HES5: variants seen among roughly 807,000 people sequenced by gnomAD.
HES5 encodes the protein transcription factor HES-5.
Under a neutral mutation model 9.6 loss-of-function variants are expected in HES5, and 12 were observed. The observed-to-expected ratio is 1.25, with a 90% confidence interval of 0.80 to 2.03. The LOEUF is 2.03. Among genes scored for constraint, HES5 ranks in the 30% most tolerant of loss-of-function variants. HES5 has a pLI of 0.00. For synonymous variants in HES5, 131 were observed against 102.4 expected (o/e 1.28, Z -1.69); for missense variants, 255 against 218.6 (o/e 1.17, Z -1.05).
At position 2,529,723 on chromosome 1, in the gene HES5, T is replaced by C; in HGVS notation, c.247A>G (p.Ser83Gly). Residue 83 changes from serine (S) to glycine (G), a missense_variant, in exon 3 of 3, where the codon AGC (serine) becomes GGC (glycine). Transcript: ENST00000378453. This position sits in a 1 kb window ranked among gnomAD's most constrained non-coding sequence, Gnocchi z 4.5. ...KAFVAAAGPK[S>G]LHQDYSEGYS... ...CCTTCGCTGTAGTCCTGGTGCAGGC[T>C]CTTGGGGCCGGCGGCGGCGACGAAG... 1 of 1,251,812 alleles carries C rather than the reference T, an allele frequency of 8.0e-7. No homozygotes were observed. Among genetic ancestry groups the C allele is most frequent in the Non-Finnish European group, 1.0e-6 (1 of 988,128 alleles). The allele number at this position is 1,251,812 out of a possible 1,614,324, so 77.5% of individuals were successfully genotyped here.
chr1:2,529,829 G>T lies in HES5; in HGVS notation c.220+17C>A. ...CGCGGTGGGAACTCGGGGCGCGGGG[G>T]GCCCGGGCGCGCTCACCTTTGCTGT... On this transcript the variant is annotated intron_variant, in intron 2 of 2. Transcript: ENST00000378453. This position sits in a 1 kb window ranked among gnomAD's most constrained non-coding sequence, Gnocchi z 4.5. 7.1e-7 allele frequency: 1 copy of T among 1,411,478 alleles called. No homozygotes were observed. Among genetic ancestry groups the T allele is most frequent in the South Asian group, 1.7e-5 (1 of 60,040 alleles). The allele number at this position is 1,411,478 out of a possible 1,614,324, so 87.4% of individuals were successfully genotyped here.
In HES5 at chr1:2,529,876, T is replaced by C. The variant is rs1473533385; in HGVS notation, c.190A>G (p.Met64Val). 6.3e-7 allele frequency: 1 copy of C among 1,599,334 alleles called. No individual in the cohort carries two copies. Among genetic ancestry groups the C allele is most frequent in the African/African-American group, 1.3e-5 (1 of 74,352 alleles). Residue 64 changes from methionine (M) to valine (V), a missense_variant, in exon 2 of 3, where the codon ATG becomes GTG. By Grantham distance (21) the Met-to-Val change is conservative. Coordinates refer to ENST00000378453, the MANE Select transcript of HES5 (RefSeq NM_001010926.4). This position sits in a 1 kb window ranked among gnomAD's most constrained non-coding sequence, Gnocchi z 4.5. Reference sequence around the variant, plus strand: ...CTGTGCTTCAGGTAGCTGACAGCCATCTCCAGGATGTCGGCCTTCTCCAGC... The same window carrying C: ...CTGTGCTTCAGGTAGCTGACAGCCACCTCCAGGATGTCGGCCTTCTCCAGC... ...SKLEKADILE[M>V]AVSYLKHSKA...
At position 2,529,390 on chromosome 1, in the gene HES5, G is replaced by A. The variant is rs1643974224; in HGVS notation, c.*79C>T. ...GTCCAAGCCCGGGGCGGACGACGGCGGGAAGGCGCTTCCCTACAGGCGAGA... is the reference window on the plus strand; with the variant it reads ...GTCCAAGCCCGGGGCGGACGACGGCAGGAAGGCGCTTCCCTACAGGCGAGA... On this transcript the variant is annotated 3_prime_UTR_variant, in exon 3 of 3. Transcript: ENST00000378453. The surrounding 1 kb of genome is among the most constrained non-coding windows in gnomAD (Gnocchi z 4.5). 8 of 1,023,560 alleles carry A rather than the reference G, an allele frequency of 7.8e-6. No individual in the cohort carries two copies. The highest frequency in any genetic ancestry group is 6.9e-5 in the African/African-American group (4 of 58,152). 63.4% of individuals were successfully genotyped at this position (1,023,560 alleles called of 1,614,324 possible). A position where few individuals can be genotyped will look rare whatever the true frequency, so the allele number is the denominator to read the frequency against.
At chr1:2,530,061 C>A in intron 1 of HES5, 50 bp from the exon 2 acceptor site, 2 of 1,600,650 alleles carry the variant, frequency 1.2e-6, no homozygotes, top group Non-Finnish European at 1.7e-6. Context: ...CAGGGACCCC[C>A]GAGGACCGGA....
Position 2,529,662 on chromosome 1 carries a change from AG to A in HES5, c.307del (p.Leu103Ter). 1 of 1,324,956 alleles carries A rather than the reference AG, an allele frequency of 7.5e-7. No homozygotes were observed. The highest frequency in any genetic ancestry group is 9.8e-7 in the Non-Finnish European group (1 of 1,019,258). 82.1% of individuals were successfully genotyped at this position (1,324,956 alleles called of 1,614,324 possible). The part of the protein sequence containing the change: ...SWCLQEAVQF[L>X]TLHAASDTQM... ...CGTGTCGCTGGCGGCGTGGAGCGTC[AG>A]GAACTGCACGGCCTCCTGCAGGCAC... is the stretch of plus-strand genomic sequence containing the variant. On this transcript the variant is annotated frameshift_variant, in exon 3 of 3. Coordinates refer to ENST00000378453, the MANE Select transcript of HES5 (RefSeq NM_001010926.4). LOFTEE classifies it low-confidence loss of function (END_TRUNC). This position sits in a 1 kb window ranked among gnomAD's most constrained non-coding sequence, Gnocchi z 4.5.
Position 2,529,652 on chromosome 1 carries a change from G to A in HES5, c.318C>T (p.His106=), listed in dbSNP as rs1394235451. The change falls in exon 3 of 3, where the codon CAC becomes CAT. Residue 106 remains histidine (H), a synonymous_variant. Coordinates refer to ENST00000378453, the MANE Select transcript of HES5 (RefSeq NM_001010926.4). This position sits in a 1 kb window ranked among gnomAD's most constrained non-coding sequence, Gnocchi z 4.5. ...LQEAVQFLTL[H]AASDTQMKLL... is the part of the protein sequence containing the mutation. ...GCTTCATCTGCGTGTCGCTGGCGGCGTGGAGCGTCAGGAACTGCACGGCCT... is the reference window on the plus strand; with the variant it reads ...GCTTCATCTGCGTGTCGCTGGCGGCATGGAGCGTCAGGAACTGCACGGCCT... 7.6e-7 allele frequency: 1 copy of A among 1,321,230 alleles called. No homozygotes were observed. The highest frequency in any genetic ancestry group is 2.7e-5 in the Admixed American group (1 of 37,150). 81.8% of individuals were successfully genotyped at this position (1,321,230 alleles called of 1,614,324 possible).
chr1:2,529,798 CCGGGGCGCGGTGGGAACT>C lies in HES5; in HGVS notation c.220+30_220+47del, dbSNP rs929653641. The C allele has an allele frequency of 6.9e-6, 9 of 1,296,062 alleles. No homozygotes were observed. Among genetic ancestry groups the C allele is most frequent in the South Asian group, 5.4e-5 (2 of 37,126 alleles). The allele number at this position is 1,296,062 out of a possible 1,614,324, so 80.3% of individuals were successfully genotyped here. The stretch of plus-strand genomic sequence containing the variant: ...GAGCGGGCGGCGGGGCGCGGGGGAG[CCGGGGCGCGGTGGGAACT>C]CGGGGCGCGGGGGGCCCGGGCGCGC... On this transcript the variant is annotated intron_variant, in intron 2 of 2. Coordinates refer to ENST00000378453, the MANE Select transcript of HES5 (RefSeq NM_001010926.4). The surrounding 1 kb of genome is among the most constrained non-coding windows in gnomAD (Gnocchi z 4.5).
In HES5 at chr1:2,529,295, A is replaced by T; in HGVS notation, c.*174T>A. On this transcript the variant is annotated 3_prime_UTR_variant, in exon 3 of 3. Transcript: ENST00000378453. The surrounding 1 kb of genome is among the most constrained non-coding windows in gnomAD (Gnocchi z 4.5). The stretch of plus-strand genomic sequence containing the variant: ...TCCTAAAACGGCAGGGACTCTGCAC[A>T]CACATTCTCTGAGAATGGGGCTCCT... 2.0e-6 allele frequency: 1 copy of T among 494,592 alleles called. No homozygotes were observed. Among genetic ancestry groups the T allele is most frequent in the Non-Finnish European group, 2.6e-6 (1 of 378,078 alleles). 30.6% of individuals were successfully genotyped at this position (494,592 alleles called of 1,614,324 possible).
At position 2,529,595 on chromosome 1, in the gene HES5, C is replaced by T. The variant is rs1381209560; in HGVS notation, c.375G>A (p.Ala125=). 2.5e-6 allele frequency: 3 copies of T among 1,179,056 alleles called. No individual in the cohort carries two copies. The highest frequency in any genetic ancestry group is 4.4e-5 in the East Asian group (1 of 22,910). 73.0% of individuals were successfully genotyped at this position (1,179,056 alleles called of 1,614,324 possible). A position where few individuals can be genotyped will look rare whatever the true frequency, so the allele number is the denominator to read the frequency against. The stretch of plus-strand genomic sequence containing the variant: ...TGGGCTCCTTGGCGGGCGCGGCGGG[C>T]GCGGCCGGGGGCCGCTGGAAGTGGT... ...LLYHFQRPPA[A]PAAPAKEPKA... is the part of the protein sequence containing the mutation. The change falls in exon 3 of 3, where the codon GCG becomes GCA. Residue 125 remains alanine (A), a synonymous_variant. Coordinates refer to ENST00000378453, the MANE Select transcript of HES5 (RefSeq NM_001010926.4). This position sits in a 1 kb window ranked among gnomAD's most constrained non-coding sequence, Gnocchi z 4.5.
In HES5 at chr1:2,530,232, C is replaced by T. The variant is rs1484526747; in HGVS notation, c.-68G>A. The T allele has an allele frequency of 2.2e-6, 3 of 1,356,574 alleles. No homozygotes were observed. Among genetic ancestry groups the T allele is most frequent in the Middle Eastern group, 2.6e-4 (1 of 3,788 alleles). The allele number at this position is 1,356,574 out of a possible 1,614,324, so 84.0% of individuals were successfully genotyped here. On this transcript the variant is annotated 5_prime_UTR_variant, in exon 1 of 3. Transcript: ENST00000378453. ...GCGAGACGAGGCGAGCGGGCGCGGG[C>T]AAGGCCAAGCGCGTCCCGGGCTGGC...
In HES5 at chr1:2,529,360, G is replaced by A. The variant is rs1455474871; in HGVS notation, c.*109C>T. The A allele has an allele frequency of 1.1e-5, 11 of 965,716 alleles. No individual in the cohort carries two copies. Among genetic ancestry groups the A allele is most frequent in the Non-Finnish European group, 1.4e-5 (11 of 811,020 alleles). 59.8% of individuals were successfully genotyped at this position (965,716 alleles called of 1,614,324 possible). A position where few individuals can be genotyped will look rare whatever the true frequency, so the allele number is the denominator to read the frequency against. ...TTGGGGCCAGAGCCTTCCGGAGAAG[G>A]GCGCGTCCAAGCCCGGGGCGGACGA... On this transcript the variant is annotated 3_prime_UTR_variant, in exon 3 of 3. Transcript: ENST00000378453. This position sits in a 1 kb window ranked among gnomAD's most constrained non-coding sequence, Gnocchi z 4.5.
In HES5 at chr1:2,529,300, T is replaced by G; in HGVS notation, c.*169A>C. 1 of 535,370 alleles carries G rather than the reference T, an allele frequency of 1.9e-6. No individual in the cohort carries two copies. Among genetic ancestry groups the G allele is most frequent in the Non-Finnish European group, 2.4e-6 (1 of 415,640 alleles). The allele number at this position is 535,370 out of a possible 1,614,324, so 33.2% of individuals were successfully genotyped here. A position where few individuals can be genotyped will look rare whatever the true frequency, so the allele number is the denominator to read the frequency against. ...AAACGGCAGGGACTCTGCACACACATTCTCTGAGAATGGGGCTCCTGCGGG... is the reference window on the plus strand; with the variant it reads ...AAACGGCAGGGACTCTGCACACACAGTCTCTGAGAATGGGGCTCCTGCGGG... On this transcript the variant is annotated 3_prime_UTR_variant, in exon 3 of 3. Transcript: ENST00000378453. This position sits in a 1 kb window ranked among gnomAD's most constrained non-coding sequence, Gnocchi z 4.5.
Position 2,529,786 on chromosome 1 carries a change from G to T in HES5, c.221-37C>A. Reference sequence around the variant, plus strand: ...CGCGGCGGCGGTGAGCGGGCGGCGGGGCGCGGGGGAGCCGGGGCGCGGTGG... The same window carrying T: ...CGCGGCGGCGGTGAGCGGGCGGCGGTGCGCGGGGGAGCCGGGGCGCGGTGG... On this transcript the variant is annotated intron_variant, in intron 2 of 2. Transcript: ENST00000378453. The surrounding 1 kb of genome is among the most constrained non-coding windows in gnomAD (Gnocchi z 4.5). The T allele has an allele frequency of 1.6e-6, 2 of 1,264,244 alleles. No individual in the cohort carries two copies. The highest frequency in any genetic ancestry group is 2.0e-6 in the Non-Finnish European group (2 of 999,118). The allele number at this position is 1,264,244 out of a possible 1,614,324, so 78.3% of individuals were successfully genotyped here.
chr1:2,529,763 CGGCGGCGGTGAGCG>C lies in HES5; in HGVS notation c.221-28_221-15del. On this transcript the variant is annotated splice_polypyrimidine_tract_variant and intron_variant, in intron 2 of 2. Coordinates refer to ENST00000378453, the MANE Select transcript of HES5 (RefSeq NM_001010926.4). This position sits in a 1 kb window ranked among gnomAD's most constrained non-coding sequence, Gnocchi z 4.5. The stretch of plus-strand genomic sequence containing the variant: ...CGGCGACGAAGGCTGCGGGGAGACG[CGGCGGCGGTGAGCG>C]GGCGGCGGGGCGCGGGGGAGCCGGG... The C allele has an allele frequency of 8.1e-7, 1 of 1,238,530 alleles. No homozygotes were observed. Among genetic ancestry groups the C allele is most frequent in the Non-Finnish European group, 1.0e-6 (1 of 985,324 alleles). 76.7% of individuals were successfully genotyped at this position (1,238,530 alleles called of 1,614,324 possible).
Position 2,529,005 on chromosome 1 carries a change from GT to G in HES5, c.*463del, listed in dbSNP as rs1643968608. On this transcript the variant is annotated 3_prime_UTR_variant, in exon 3 of 3. Coordinates refer to ENST00000378453, the MANE Select transcript of HES5 (RefSeq NM_001010926.4). This position sits in a 1 kb window ranked among gnomAD's most constrained non-coding sequence, Gnocchi z 4.5. ...TGGACGCCCGTCCGGGGTGATCACT[GT>G]TTCCTATGAGGATACAGCTCGAGTT... The G allele has an allele frequency of 2.6e-5, 4 of 152,624 alleles. 1 individual carries two copies. The highest frequency in any genetic ancestry group is 9.6e-5 in the African/African-American group (4 of 41,564). 9.5% of individuals were successfully genotyped at this position (152,624 alleles called of 1,614,324 possible). A position where few individuals can be genotyped will look rare whatever the true frequency, so the allele number is the denominator to read the frequency against.
chr1:2,529,974 C>A lies in HES5; in HGVS notation c.92G>T (p.Arg31Leu), dbSNP rs866186692. ...KPVVEKMRRDRINSSIEQLKL... is the reference protein window; with the variant it reads ...KPVVEKMRRDLINSSIEQLKL... ...CAGCTGCTCGATGCTGCTGTTGATGCGGTCGCGGCGCATCTTCTCCACCAC... is the reference window on the plus strand; with the variant it reads ...CAGCTGCTCGATGCTGCTGTTGATGAGGTCGCGGCGCATCTTCTCCACCAC... Residue 31 changes from arginine to leucine, a missense_variant, in exon 2 of 3, where the codon CGC becomes CTC. By Grantham distance (102) the Arg-to-Leu change is moderately radical (BLOSUM62 -2). Transcript: ENST00000378453. This position sits in a 1 kb window ranked among gnomAD's most constrained non-coding sequence, Gnocchi z 4.5. 1 of 1,608,326 alleles carries A rather than the reference C, an allele frequency of 6.2e-7. No homozygotes were observed. The highest frequency in any genetic ancestry group is 1.7e-5 in the Admixed American group (1 of 59,686).
At position 2,529,522 on chromosome 1, in the gene HES5, C is replaced by T. The variant is rs937587295; in HGVS notation, c.448G>A (p.Ala150Thr). 54 of 1,050,554 alleles carry T rather than the reference C, an allele frequency of 5.1e-5. No homozygotes were observed. In the African/African-American group the frequency reaches 5.5e-4, roughly 11 times the overall value. The allele number at this position is 1,050,554 out of a possible 1,614,324, so 65.1% of individuals were successfully genotyped here. ...PPPALSAKATAAAAAAHQPAC... is the reference protein window; with the variant it reads ...PPPALSAKATTAAAAAHQPAC... ...GGCTGGTGCGCGGCGGCGGCGGCGG[C>T]GGTGGCCTTGGCGGAGAGCGCGGGC... The change falls in exon 3 of 3, where the codon GCC becomes ACC. Residue 150 changes from alanine to threonine, a missense_variant. Coordinates refer to ENST00000378453, the MANE Select transcript of HES5 (RefSeq NM_001010926.4). This position sits in a 1 kb window ranked among gnomAD's most constrained non-coding sequence, Gnocchi z 4.5.
At position 2,529,383 on chromosome 1, in the gene HES5, C is replaced by G; in HGVS notation, c.*86G>C. On this transcript the variant is annotated 3_prime_UTR_variant, in exon 3 of 3. Coordinates refer to ENST00000378453, the MANE Select transcript of HES5 (RefSeq NM_001010926.4). The surrounding 1 kb of genome is among the most constrained non-coding windows in gnomAD (Gnocchi z 4.5). ...AGGGCGCGTCCAAGCCCGGGGCGGA[C>G]GACGGCGGGAAGGCGCTTCCCTACA... 1 of 1,007,336 alleles carries G rather than the reference C, an allele frequency of 9.9e-7. No individual in the cohort carries two copies. Among genetic ancestry groups the G allele is most frequent in the Non-Finnish European group, 1.2e-6 (1 of 844,114 alleles). 62.4% of individuals were successfully genotyped at this position (1,007,336 alleles called of 1,614,324 possible).
rs777745772 is a variant in HES5 at position 2,530,026 on chromosome 1, G to A, written c.55-15C>T. The A allele has an allele frequency of 5.0e-5, 80 of 1,603,148 alleles. No homozygotes were observed. In the African/African-American group the frequency reaches 8.4e-4, roughly 17 times the overall value. On this transcript the variant is annotated splice_polypyrimidine_tract_variant and intron_variant, in intron 1 of 2. Transcript: ENST00000378453. The stretch of plus-strand genomic sequence containing the variant: ...GGCTTCCGCAGCTGCGGGAGGAGGG[G>A]GTGTCAGGCTGGCCCGGCACGGCGC...
Sources: allele counts gnomAD v4.1 joint callset, GRCh38; gene constraint gnomAD v4.1.1; non-coding constraint Gnocchi (gnomAD v3.1); transcripts MANE v1.5; gene names NCBI Gene and HGNC (gene_info 2026-07-23, HGNC 2026-07-21).